The following RABL3 variants were observed in gnomAD, a reference collection of about 807,000 sequenced individuals.
RABL3 encodes rab-like protein 3.
RABL3 carries 31 observed loss-of-function variants against 31.8 expected under a neutral mutation model. That is an observed-to-expected ratio of 0.97 (90% CI 0.73 to 1.31). The LOEUF is 1.31. Ranked by LOEUF, RABL3 falls within the 40% of genes most tolerant of loss-of-function variation. RABL3 has a pLI of 0.00. For missense variants in RABL3, 263 were observed against 279.6 expected (o/e 0.94, Z 0.42); for synonymous variants, 97 against 99.9 (o/e 0.97, Z 0.18).
intron 1 of RABL3, among the ~76,000 whole-genome samples, chr3:120,736,278 G>A (rs61795618): frequency 6.6e-6 from 1 of 152,286 alleles, no homozygotes; most frequent in East Asian, 1.9e-4. Context: ...TTGTTGAATT[G>A]ATCCCTTTAC....
intron 4 of RABL3, among the ~76,000 whole-genome samples, chr3:120,704,116 A>G (rs766674584): frequency 3.9e-5 from 6 of 152,248 alleles, no homozygotes; most frequent in Non-Finnish European, 5.9e-5. Flanking sequence ...AGAAAACTAC[A>G]CACCAATGCC....
Position 120,704,125 on chromosome 3 carries a change from C to T in RABL3, c.383+1875G>A, listed in dbSNP as rs547862170. 7.2e-5 allele frequency among the ~76,000 whole-genome samples: 11 copies of T among 152,288 alleles called. No individual in the cohort carries two copies. In the South Asian group the frequency reaches 2.3e-3, roughly 32 times the overall value. ...GAGAACAGAAAACTACACACCAATG[C>T]CTGTCATGAACATGGATAAAAATCC... On this transcript the variant is annotated intron_variant, in intron 4 of 7. Transcript: ENST00000273375.
chr3:120,722,373 T>C (rs1400574531), intron 2 of RABL3: 1 of 152,230 alleles, frequency 6.6e-6, no homozygotes, highest in East Asian at 1.9e-4. Flanking sequence ...CCTCATAACC[T>C]CTATGACTTT....
chr3:120,716,116 T>G (rs1708665457), intron 2 of RABL3, among the ~76,000 whole-genome samples: 1 of 152,190 alleles, frequency 6.6e-6, no homozygotes, highest in East Asian at 1.9e-4. Flanking sequence ...ATCAATTGTA[T>G]GCAATGTGTA....
chr3:120,729,007 G>A lies in RABL3; in HGVS notation c.138+1689C>T, dbSNP rs115695861. ...AGCAGACCTGTTTTCCAGCATTCAA[G>A]GCAAAAGTATATGTGAGTGAGTGAT... On this transcript the variant is annotated intron_variant, in intron 2 of 7. Coordinates refer to ENST00000273375, the MANE Select transcript of RABL3 (RefSeq NM_173825.5). Among the ~76,000 whole-genome samples the A allele has an allele frequency of 2.7e-3, 412 of 152,188 alleles. 5 individuals carry two copies. The highest frequency in any genetic ancestry group is 3.4e-3 in the Middle Eastern group (1 of 294).
At chr3:120,740,103 T>C (rs372747161) in intron 1 of RABL3, among the ~76,000 whole-genome samples, 1 of 152,188 alleles carries the variant, frequency 6.6e-6, no homozygotes, top group East Asian at 1.9e-4. Flanking sequence ...TATAAATAAA[T>C]GTCAGCTCCA....
At chr3:120,736,580 G>A (rs922993343) in intron 1 of RABL3, among the ~76,000 whole-genome samples, 2 of 152,196 alleles carry the variant, frequency 1.3e-5, no homozygotes, top group Non-Finnish European at 2.9e-5. Context: ...TCATCATGAT[G>A]TTAGCTGGTT....
chr3:120,704,325 A>G (rs897195023), intron 4 of RABL3, among the ~76,000 whole-genome samples: 3 of 152,246 alleles, frequency 2.0e-5, no homozygotes, highest in African/African-American at 4.8e-5. Context: ...CCACATGTCC[A>G]TATCAATTGA....
At chr3:120,730,603 T>C in intron 2 of RABL3, 93 bp downstream of exon 2, 1 of 845,960 alleles carries the variant, frequency 1.2e-6, no homozygotes, top group Non-Finnish European at 1.9e-6. Context: ...CTATTACTAT[T>C]GATCTTGACC....
intron 1 of RABL3, chr3:120,738,686 C>A (rs1382362117): frequency 6.6e-6 from 1 of 152,128 alleles, no homozygotes; most frequent in Non-Finnish European, 1.5e-5. Flanking sequence ...TAGATCAGAA[C>A]CTTAATTAGT....
chr3:120,737,796 C>T (rs1397808624), intron 1 of RABL3, among the ~76,000 whole-genome samples: 3 of 152,204 alleles, frequency 2.0e-5, no homozygotes, highest in Non-Finnish European at 4.4e-5. Flanking sequence ...CGCTCCAGAC[C>T]CTGTTTGCCT....
chr3:120,712,038 A>C (rs976895451), intron 2 of RABL3, among the ~76,000 whole-genome samples: 1 of 152,192 alleles, frequency 6.6e-6, no homozygotes, highest in African/African-American at 2.4e-5. Context: ...TAATTAAAAA[A>C]ACAAGATAGC....
chr3:120,697,973 C>T (rs945571379), intron 5 of RABL3, among the ~76,000 whole-genome samples: 2 of 152,094 alleles, frequency 1.3e-5, no homozygotes, highest in Non-Finnish European at 2.9e-5. Flanking sequence ...CTAGCCTGGG[C>T]AACATGGCAA....
At chr3:120,731,254 G>A (rs1708878914) in intron 1 of RABL3, among the ~76,000 whole-genome samples, 1 of 152,152 alleles carries the variant, frequency 6.6e-6, no homozygotes, top group Non-Finnish European at 1.5e-5. Context: ...CACCAATGCT[G>A]AGGTCCCCTC....
chr3:120,718,502 T>C (rs1708696845), intron 2 of RABL3, among the ~76,000 whole-genome samples: 1 of 152,228 alleles, frequency 6.6e-6, no homozygotes, highest in South Asian at 2.1e-4. Flanking sequence ...CACTTTGATA[T>C]CCACTTGGCA....
rs573755886 is a variant in RABL3 at position 120,685,083 on chromosome 3, C to T, written c.*4740G>A. ...GATCTAGGGGAAGCACTAGTGGGCA[C>T]GTAGCCCAGACGAGCAGAGCCAGGG... On this transcript the variant is annotated 3_prime_UTR_variant, in exon 8 of 8. Coordinates refer to ENST00000273375, the MANE Select transcript of RABL3 (RefSeq NM_173825.5). Among the ~76,000 whole-genome samples the T allele has an allele frequency of 1.2e-4, 18 of 152,292 alleles. No homozygotes were observed. The highest frequency in any genetic ancestry group is 2.1e-4 in the Non-Finnish European group (14 of 68,022).
chr3:120,718,750 T>C lies in RABL3; in HGVS notation c.139-8841A>G, dbSNP rs962598564. 1.3e-5 allele frequency among the ~76,000 whole-genome samples: 2 copies of C among 152,194 alleles called. 1 individual carries two copies. The highest frequency in any genetic ancestry group is 4.1e-4 in the South Asian group (2 of 4,832). Reference sequence around the variant, plus strand: ...CCATAGATATTAGGACACAGAAAGATGAAAGTTGAAATATGTAAATAAGGT... The same window carrying C: ...CCATAGATATTAGGACACAGAAAGACGAAAGTTGAAATATGTAAATAAGGT... On this transcript the variant is annotated intron_variant, in intron 2 of 7. Transcript: ENST00000273375.
At chr3:120,712,413 AG>A (rs1172816121) in intron 2 of RABL3, among the ~76,000 whole-genome samples, 3 of 152,208 alleles carry the variant, frequency 2.0e-5, no homozygotes, top group Non-Finnish European at 4.4e-5. Flanking sequence ...TAAACCAAGC[AG>A]AAAAAACATA....
intron 1 of RABL3, among the ~76,000 whole-genome samples, chr3:120,739,593 C>G (rs937244532): frequency 1.3e-5 from 2 of 151,812 alleles, no homozygotes; most frequent in African/African-American, 4.8e-5. Context: ...AATCATTTTA[C>G]GTATGTGTAA....
Sources: allele counts gnomAD v4.1 joint callset (sites outside exome capture counted in the v4.1 genomes callset), GRCh38; gene constraint gnomAD v4.1.1; transcripts MANE v1.5; gene names NCBI Gene and HGNC (gene_info 2026-07-23, HGNC 2026-07-21).